AOAH: variants seen among roughly 807,000 people sequenced by gnomAD.
AOAH encodes the protein acyloxyacyl hydrolase, also known as acyloxyacyl hydrolase (neutrophil).
AOAH carries 64 observed loss-of-function variants against 92.2 expected under a neutral mutation model. The ratio of observed to expected loss-of-function variants is 0.69; its 90% CI spans 0.57 to 0.86. The LOEUF is 0.86. AOAH is among the 40% of genes least tolerant of loss of function. AOAH has a pLI of 0.00. For synonymous variants in AOAH, 263 were observed against 254.5 expected (o/e 1.03, Z -0.32); for missense variants, 656 against 694.6 (o/e 0.94, Z 0.62).
At chr7:36,618,191 C>T in intron 10 of AOAH, 106 bp downstream of exon 10, 1 of 924,224 alleles carries the variant, frequency 1.1e-6, no homozygotes, top group South Asian at 1.4e-5. Flanking sequence ...AGAGTAAATC[C>T]TAGCATCAAG....
At chr7:36,716,731 C>G (rs1179022948) in intron 1 of AOAH, among the ~76,000 whole-genome samples, 1 of 146,594 alleles carries the variant, frequency 6.8e-6, no homozygotes, top group African/African-American at 2.6e-5. Flanking sequence ...GGACAACAAA[C>G]AAAACACGGC....
intron 13 of AOAH, among the ~76,000 whole-genome samples, chr7:36,569,470 AATCTATCTATCTATCTATCT>A (rs10581908): frequency 3.4e-5 from 5 of 147,954 alleles, no homozygotes; most frequent in African/African-American, 1.3e-4. Context: ...TACTTAAAAA[AATCTATCTATCTATCTATCT>A]ATCTATCTAT....
At chr7:36,684,520 T>C (rs1049885787) in intron 2 of AOAH, among the ~76,000 whole-genome samples, 1 of 152,144 alleles carries the variant, frequency 6.6e-6, no homozygotes, top group Non-Finnish European at 1.5e-5. Flanking sequence ...GTCCATTATA[T>C]GTCAATTAAT....
chr7:36,633,479 C>T (rs2116257545), intron 5 of AOAH, among the ~76,000 whole-genome samples: 1 of 152,324 alleles, frequency 6.6e-6, no homozygotes, highest in Non-Finnish European at 1.5e-5. Flanking sequence ...CCAGGATGCA[C>T]ACTAAAGCTG....
intron 4 of AOAH, among the ~76,000 whole-genome samples, chr7:36,639,864 A>G (rs1415750153): frequency 6.6e-6 from 1 of 152,262 alleles, no homozygotes; most frequent in Non-Finnish European, 1.5e-5. Flanking sequence ...GAGCAAGTAC[A>G]GTAAACAGAA....
At chr7:36,613,425 G>A (rs1179004048) in intron 11 of AOAH, among the ~76,000 whole-genome samples, 4 of 152,338 alleles carry the variant, frequency 2.6e-5, no homozygotes, top group Admixed American at 6.5e-5. Flanking sequence ...GGCCTGGCAC[G>A]TAGTGGGGGT....
chr7:36,667,745 C>T (rs1476209863), intron 3 of AOAH, among the ~76,000 whole-genome samples: 1 of 152,130 alleles, frequency 6.6e-6, no homozygotes, highest in Non-Finnish European at 1.5e-5. Flanking sequence ...GTTTTTGGTG[C>T]ATACATATTA....
intron 12 of AOAH, among the ~76,000 whole-genome samples, chr7:36,585,369 T>C (rs1480177560): frequency 6.6e-6 from 1 of 152,126 alleles, no homozygotes; most frequent in African/African-American, 2.4e-5. Flanking sequence ...ATATCCAGTA[T>C]TGGCAAGGGT....
At position 36,516,039 on chromosome 7, in the gene AOAH, TCACA is replaced by T. The variant is rs761775693; in HGVS notation, c.1600-2663_1600-2660del. ...CAACCCCACACAACACATAAATACG[TCACA>T]CACACACACACCACACACTACACAC... is the stretch of plus-strand genomic sequence containing the variant. On this transcript the variant is annotated intron_variant, in intron 20 of 20. Transcript: ENST00000617537. This position sits in a 1 kb window ranked among gnomAD's most constrained non-coding sequence, Gnocchi z 5.0. Among the ~76,000 whole-genome samples the T allele has an allele frequency of 2.6e-5, 3 of 113,656 alleles. No individual in the cohort carries two copies. The highest frequency in any genetic ancestry group is 3.0e-4 in the East Asian group (1 of 3,338). The allele number at this position is 113,656 out of a possible 152,430, so 74.6% of individuals were successfully genotyped here.
chr7:36,594,992 C>A (rs993168295), intron 11 of AOAH, among the ~76,000 whole-genome samples: 3 of 152,068 alleles, frequency 2.0e-5, no homozygotes, highest in African/African-American at 7.2e-5. Context: ...GGCTCACGGA[C>A]CCCCTGCAAC....
At chr7:36,681,479 T>C (rs189640554) in intron 2 of AOAH, among the ~76,000 whole-genome samples, 2 of 152,004 alleles carry the variant, frequency 1.3e-5, no homozygotes, top group East Asian at 1.9e-4. Context: ...GGGAGGAGTA[T>C]GGAAAGATGG....
intron 15 of AOAH, among the ~76,000 whole-genome samples, chr7:36,542,542 C>T (rs1785487159): frequency 6.6e-6 from 1 of 152,158 alleles, no homozygotes; most frequent in Admixed American, 6.5e-5. Context: ...TAAGGGAGCT[C>T]ATAAATGAAT....
intron 20 of AOAH, among the ~76,000 whole-genome samples, chr7:36,514,829 G>T (rs2115644900): frequency 6.6e-6 from 1 of 152,136 alleles, no homozygotes; most frequent in East Asian, 1.9e-4. Context: ...TCTGGGCCCA[G>T]CCCTCTCATC....
intron 12 of AOAH, among the ~76,000 whole-genome samples, chr7:36,593,153 C>A (rs778332082): frequency 2.6e-5 from 4 of 152,178 alleles, no homozygotes; most frequent in Non-Finnish European, 5.9e-5. Context: ...CCTTGCATTA[C>A]CATTATTTGT....
intron 12 of AOAH, among the ~76,000 whole-genome samples, chr7:36,589,687 C>T (rs112696721): frequency 0.089 from 13,623 of 152,220 alleles, 695 homozygotes; most frequent in East Asian, 0.13. Context: ...CCTGGAATAA[C>T]ACAGAATGAG....
rs1433628419 is a variant in AOAH at position 36,631,710 on chromosome 7, CA to C, written c.521+325del. Among the ~76,000 whole-genome samples, 69 of 152,282 alleles carry C rather than the reference CA, an allele frequency of 4.5e-4. 1 individual carries two copies. The highest frequency in any genetic ancestry group is 1.6e-3 in the African/African-American group (67 of 41,562). ...CCCACCCTGGTCCATAGTTCACATG[CA>C]GAGAGGGGCTGTTTCCAGGTGTAGT... On this transcript the variant is annotated intron_variant, in intron 6 of 20. Transcript: ENST00000617537.
chr7:36,589,932 T>A (rs1024082378), intron 12 of AOAH, among the ~76,000 whole-genome samples: 4 of 152,074 alleles, frequency 2.6e-5, no homozygotes, highest in Non-Finnish European at 5.9e-5. Context: ...TAATCTTAAT[T>A]TTTTTTACTT....
chr7:36,722,716 C>T (rs898810538), intron 1 of AOAH, among the ~76,000 whole-genome samples: 2 of 151,614 alleles, frequency 1.3e-5, no homozygotes, highest in Non-Finnish European at 2.9e-5. Flanking sequence ...GGGCGGATCA[C>T]GAGGTCAGGA....
chr7:36,673,164 C>T (rs1796029075), intron 3 of AOAH, among the ~76,000 whole-genome samples: 1 of 152,124 alleles, frequency 6.6e-6, no homozygotes, highest in African/African-American at 2.4e-5. Flanking sequence ...AAGTGTAAGA[C>T]AGCCATGTAT....
Sources: allele counts gnomAD v4.1 joint callset (sites outside exome capture counted in the v4.1 genomes callset), GRCh38; gene constraint gnomAD v4.1.1; non-coding constraint Gnocchi (gnomAD v3.1); transcripts MANE v1.5; gene names NCBI Gene and HGNC (gene_info 2026-07-23, HGNC 2026-07-21).